KPLCE: variants seen among roughly 807,000 people sequenced by gnomAD.
KPLCE encodes protein KPLCE.
At chr1:152,719,653 G>T in the KPLCE span, 1 of 1,552,156 alleles carries the variant, frequency 6.4e-7, no homozygotes, top group Non-Finnish European at 8.7e-7. Flanking sequence ...CTGTCTGTGT[G>T]ACAGGCCCTG....
the KPLCE span, chr1:152,719,623 A>C: frequency 6.4e-7 from 1 of 1,552,008 alleles, no homozygotes. Flanking sequence ...TGAAATGCCC[A>C]GTTCCATGCC....
the KPLCE span, chr1:152,719,772 C>G: frequency 4.5e-6 from 7 of 1,551,886 alleles, no homozygotes; most frequent in Non-Finnish European, 6.1e-6. Flanking sequence ...TACCCAACAC[C>G]CTGCCAAACC....
the KPLCE span, chr1:152,719,755 T>G: frequency 6.5e-7 from 1 of 1,550,192 alleles, no homozygotes; most frequent in Non-Finnish European, 8.7e-7. Context: ...AGAGGACCTA[T>G]GTGAAATACC....
the KPLCE span, chr1:152,719,591 C>A: frequency 5.8e-6 from 9 of 1,551,782 alleles, 1 homozygote; most frequent in South Asian, 4.8e-5. Context: ...AGGGGCTGGG[C>A]AGGGTAGCAA....
the KPLCE span, chr1:152,719,794 C>T: frequency 1.3e-6 from 2 of 1,551,426 alleles, no homozygotes; most frequent in Non-Finnish European, 8.7e-7. Flanking sequence ...ATGTGAAGTG[C>T]CCAGCTCCCT....
At chr1:152,719,589 G>T in the KPLCE span, 2 of 1,551,756 alleles carry the variant, frequency 1.3e-6, no homozygotes, top group Non-Finnish European at 1.7e-6. Flanking sequence ...CTAGGGGCTG[G>T]GCAGGGTAGC....
chr1:152,719,961 C>T, the KPLCE span: 2 of 1,551,952 alleles, frequency 1.3e-6, no homozygotes, highest in Non-Finnish European at 1.7e-6. Flanking sequence ...TATGTTCAAG[C>T]TCCTGCAAGT....
chr1:152,720,280 C>T, the KPLCE span: 34 of 1,533,958 alleles, frequency 2.2e-5, no homozygotes, highest in South Asian at 2.3e-4. Flanking sequence ...GCTAAACATA[C>T]GACAGCTCAA....
At chr1:152,720,348 T>C in the KPLCE span, 1 of 1,205,092 alleles carries the variant, frequency 8.3e-7, no homozygotes, top group Non-Finnish European at 1.2e-6. Context: ...TCTGGCCCCC[T>C]CTCTGTTAGT....
the KPLCE span, chr1:152,719,631 G>T: frequency 6.4e-7 from 1 of 1,551,886 alleles, no homozygotes; most frequent in African/African-American, 1.4e-5. Context: ...CCAGTTCCAT[G>T]CCAGACCCAA....
At chr1:152,720,328 T>C in the KPLCE span, 2 of 1,386,142 alleles carry the variant, frequency 1.4e-6, no homozygotes, top group Non-Finnish European at 9.8e-7. Flanking sequence ...TTCTGGAACA[T>C]GCACCAGCTT....
At chr1:152,719,697 A>G in the KPLCE span, 1,716 of 1,552,064 alleles carry the variant, frequency 1.1e-3, 21 homozygotes, top group African/African-American at 0.02. Flanking sequence ...GTGAAGTACC[A>G]AGTTCCATGC....
chr1:152,720,002 C>A, the KPLCE span: 2 of 1,551,776 alleles, frequency 1.3e-6, no homozygotes, highest in Non-Finnish European at 1.7e-6. Flanking sequence ...TGTCACTGAC[C>A]CATGCTCTGC....
At chr1:152,720,187 C>T in the KPLCE span, 1 of 1,551,728 alleles carries the variant, frequency 6.4e-7, no homozygotes, top group Admixed American at 2.0e-5. Flanking sequence ...GTGGATGTGG[C>T]AGCTCTGGGT....
the KPLCE span, chr1:152,719,829 C>T: frequency 6.4e-7 from 1 of 1,551,966 alleles, no homozygotes; most frequent in African/African-American, 1.4e-5. Context: ...GTAAAATGCC[C>T]AACTCCCTGC....
the KPLCE span, chr1:152,720,245 T>TC: frequency 6.5e-7 from 1 of 1,549,964 alleles, no homozygotes; most frequent in South Asian, 1.2e-5. Flanking sequence ...TCCTGCATGC[T>TC]GTGACCATGA....
the KPLCE span, chr1:152,719,602 T>C: frequency 3.0e-5 from 46 of 1,551,830 alleles, 1 homozygote; most frequent in South Asian, 5.4e-4. Flanking sequence ...AGGGTAGCAA[T>C]GGTGCCTCTG....
chr1:152,720,357 G>T, the KPLCE span: 3 of 1,148,110 alleles, frequency 2.6e-6, no homozygotes, highest in East Asian at 2.6e-5. Flanking sequence ...CTCTCTGTTA[G>T]TGCCAGTGAT....
At chr1:152,719,740 C>T in the KPLCE span, 4 of 1,552,134 alleles carry the variant, frequency 2.6e-6, no homozygotes, top group Non-Finnish European at 2.6e-6. Context: ...GCCCAGCTCC[C>T]TGCCAGAGGA....
Sources: gnomAD v4.1 joint callset for allele counts on GRCh38, gnomAD v4.1.1 for gene constraint, MANE v1.5 for transcripts, NCBI Gene and HGNC (gene_info 2026-07-23, HGNC 2026-07-21) for gene names.